Variants in PACRG observed in about 807,000 individuals in gnomAD.
PACRG encodes parkin coregulated.
PACRG carries 29 observed loss-of-function variants against 29.7 expected under a neutral mutation model. The ratio of observed to expected loss-of-function variants is 0.98; its 90% CI spans 0.73 to 1.33. PACRG has a LOEUF of 1.33. PACRG is among the 40% of genes most tolerant of loss of function. PACRG has a pLI of 0.00. For missense variants in PACRG, 279 were observed against 316.2 expected (o/e 0.88, Z 0.89); for synonymous variants, 116 against 118.7 (o/e 0.98, Z 0.15).
At chr6:163,255,733 T>A (rs1000476504) in intron 4 of PACRG, among the ~76,000 whole-genome samples, 2 of 151,844 alleles carry the variant, frequency 1.3e-5, no homozygotes, top group Non-Finnish European at 2.9e-5. Flanking sequence ...GCCTCCCGGG[T>A]TCAAGCAACT....
rs377352285 is a variant in PACRG at position 162,747,474 on chromosome 6, C to CTATATATATATATATATATATA, written c.156+19102_156+19103insATATATATATATATATATATAT. ...TATAACTATAAATATATATGTAAAACTATATATATATATATATATTCCATT... is the reference window on the plus strand; with the variant it reads ...TATAACTATAAATATATATGTAAAACTATATATATATATATATATATATATATATATATATATATATTCCATT... On this transcript the variant is annotated intron_variant, in intron 1 of 4. Coordinates refer to ENST00000366888, the MANE Select transcript of PACRG (RefSeq NM_001080379.2). Among the ~76,000 whole-genome samples, 162 of 44,752 alleles carry CTATATATATATATATATATATA rather than the reference C, an allele frequency of 3.6e-3. 16 individuals carry two copies. The highest frequency in any genetic ancestry group is 5.3e-3 in the African/African-American group (66 of 12,364). 29.4% of individuals were successfully genotyped at this position (44,752 alleles called of 152,430 possible). A position where few individuals can be genotyped will look rare whatever the true frequency, so the allele number is the denominator to read the frequency against.
intron 4 of PACRG, among the ~76,000 whole-genome samples, chr6:163,132,073 C>T (rs1237402171): frequency 6.6e-6 from 1 of 152,144 alleles, no homozygotes; most frequent in Admixed American, 6.5e-5. Context: ...GTAAGTAATA[C>T]ATTCATTATA....
chr6:163,147,263 G>T (rs1298745376), intron 4 of PACRG, among the ~76,000 whole-genome samples: 2 of 152,196 alleles, frequency 1.3e-5, no homozygotes, highest in Non-Finnish European at 2.9e-5. Context: ...ATTACAAATG[G>T]ATGCATCATT....
chr6:162,893,204 C>T (rs977269742), intron 2 of PACRG, among the ~76,000 whole-genome samples: 3 of 152,170 alleles, frequency 2.0e-5, no homozygotes, highest in Non-Finnish European at 4.4e-5. Flanking sequence ...AGCACCTTAA[C>T]TGACTGCTGG....
chr6:163,013,213 A>G (rs1017335598), intron 2 of PACRG, among the ~76,000 whole-genome samples: 1 of 151,930 alleles, frequency 6.6e-6, no homozygotes, highest in African/African-American at 2.4e-5. Context: ...TTTCTTTTGG[A>G]TAAGGACGGC....
intron 2 of PACRG, among the ~76,000 whole-genome samples, chr6:162,864,399 A>G (rs1792123260): frequency 6.6e-6 from 1 of 152,106 alleles, no homozygotes; most frequent in Non-Finnish European, 1.5e-5. Context: ...TTGATGACCT[A>G]CTATGTGCCA....
chr6:162,883,522 A>G lies in PACRG; in HGVS notation c.291+69241A>G, dbSNP rs1257122714. The stretch of plus-strand genomic sequence containing the variant: ...TAGTGTTCACAATGTTAACAAGTTT[A>G]GACAGTGGTTTTATATTTATTACCC... On this transcript the variant is annotated intron_variant, in intron 2 of 4. Coordinates refer to ENST00000366888, the MANE Select transcript of PACRG (RefSeq NM_001080379.2). Among the ~76,000 whole-genome samples the G allele has an allele frequency of 3.3e-5, 5 of 152,296 alleles. No homozygotes were observed. In the East Asian group the frequency reaches 9.7e-4, roughly 29 times the overall value.
At chr6:162,868,565 A>AC (rs1247499598) in intron 2 of PACRG, among the ~76,000 whole-genome samples, 2 of 151,834 alleles carry the variant, frequency 1.3e-5, no homozygotes, top group Non-Finnish European at 2.9e-5. Context: ...CCTGGAGAGG[A>AC]CCCCTTGCTC....
chr6:163,043,906 G>A (rs1270914473), intron 2 of PACRG, among the ~76,000 whole-genome samples: 1 of 152,106 alleles, frequency 6.6e-6, no homozygotes, highest in Non-Finnish European at 1.5e-5. Context: ...TCAGATACAC[G>A]TTCTGGGTTT....
Position 163,073,154 on chromosome 6 carries a change from G to A in PACRG, c.463+10833G>A, listed in dbSNP as rs187993822. On this transcript the variant is annotated intron_variant, in intron 3 of 4. Transcript: ENST00000366888. Reference sequence around the variant, plus strand: ...AGACCCAGAATTGTCAAAACTATCCGAAGCAAAAAGAATAAAGCTGGAGGA... The same window carrying A: ...AGACCCAGAATTGTCAAAACTATCCAAAGCAAAAAGAATAAAGCTGGAGGA... Among the ~76,000 whole-genome samples the A allele has an allele frequency of 4.6e-5, 7 of 152,074 alleles. No homozygotes were observed. In the South Asian group the frequency reaches 1.0e-3, roughly 23 times the overall value.
chr6:163,260,583 G>A (rs1783286043), intron 4 of PACRG, among the ~76,000 whole-genome samples: 1 of 152,210 alleles, frequency 6.6e-6, no homozygotes, highest in Non-Finnish European at 1.5e-5. Context: ...AAATGTAAAT[G>A]TGTTATGCAA....
chr6:163,274,970 C>T (rs1162907101), intron 4 of PACRG, among the ~76,000 whole-genome samples: 1 of 148,268 alleles, frequency 6.7e-6, no homozygotes, highest in Non-Finnish European at 1.5e-5. Context: ...TCAAGCAATT[C>T]TCCTGCCTCA....
chr6:162,815,595 C>A (rs1787267356), intron 2 of PACRG, among the ~76,000 whole-genome samples: 1 of 151,200 alleles, frequency 6.6e-6, no homozygotes, highest in South Asian at 2.1e-4. Context: ...ACATTATTAT[C>A]TCCTTTATAA....
chr6:162,861,901 G>C (rs982593441), intron 2 of PACRG, among the ~76,000 whole-genome samples: 2 of 152,180 alleles, frequency 1.3e-5, no homozygotes, highest in Admixed American at 6.5e-5. Context: ...TCTGCACAGA[G>C]TGGGATTTCT....
At chr6:162,955,114 C>T (rs186987259) in intron 2 of PACRG, among the ~76,000 whole-genome samples, 29 of 152,074 alleles carry the variant, frequency 1.9e-4, no homozygotes. Flanking sequence ...GTTGCTCACA[C>T]TTACAAGAAG....
chr6:163,149,538 A>G (rs1777985769), intron 4 of PACRG, among the ~76,000 whole-genome samples: 1 of 151,744 alleles, frequency 6.6e-6, no homozygotes, highest in Admixed American at 6.6e-5. Context: ...TTCTCCCTAA[A>G]GCAACCGCGT....
chr6:162,779,708 G>A (rs1783942252), intron 1 of PACRG, among the ~76,000 whole-genome samples: 1 of 152,188 alleles, frequency 6.6e-6, no homozygotes, highest in Non-Finnish European at 1.5e-5. Flanking sequence ...GTATTTATTT[G>A]TGCATGTCAA....
chr6:163,190,300 A>T (rs998119923), intron 4 of PACRG: 1 of 152,204 alleles, frequency 6.6e-6, no homozygotes, highest in Non-Finnish European at 1.5e-5. Context: ...AACATTTACA[A>T]GTACATTTGT....
intron 1 of PACRG, among the ~76,000 whole-genome samples, chr6:162,774,030 C>T (rs1187314555): frequency 2.0e-5 from 3 of 152,170 alleles, no homozygotes; most frequent in African/African-American, 7.2e-5. Context: ...ATTCATAAAA[C>T]AATTGAAGTA....
Sources: gnomAD v4.1 joint callset for allele counts (sites outside exome capture counted in the v4.1 genomes callset) on GRCh38, gnomAD v4.1.1 for gene constraint, MANE v1.5 for transcripts, NCBI Gene and HGNC (gene_info 2026-07-23, HGNC 2026-07-21) for gene names.